YAF2: variants seen among roughly 807,000 people sequenced by gnomAD.
The protein encoded by YAF2 is YY1 associated factor 2.
Under a neutral mutation model 20.1 loss-of-function variants are expected in YAF2, and 7 were observed. The ratio of observed to expected loss-of-function variants is 0.35; its 90% CI spans 0.20 to 0.65. The LOEUF (loss-of-function observed/expected upper bound fraction) is 0.65, where lower values mean the gene tolerates loss of function less well. YAF2 is among the 30% of genes least tolerant of loss of function. The pLI, the probability that YAF2 is intolerant of heterozygous loss-of-function variation, is 0.69. For synonymous variants in YAF2, 74 were observed against 76.0 expected, an observed-to-expected ratio of 0.97 and a Z score of 0.14; for missense variants, 151 against 219.2, an observed-to-expected ratio of 0.69 and a Z score of 1.96.
intron 2 of YAF2, among the ~76,000 whole-genome samples, chr12:42,209,136 A>G (rs1027164398): frequency 1.4e-4 from 22 of 152,184 alleles, no homozygotes; most frequent in African/African-American, 4.1e-4. Context: ...AATTCACATC[A>G]AGTATTTTCA....
rs80245881 is a variant in YAF2 at position 42,176,548 on chromosome 12, G to A, written c.153-14783C>T. On this transcript the variant is annotated intron_variant, in intron 2 of 3. Transcript: ENST00000534854. ...AACACTTAGAAGCAGTATTTATTCC[G>A]TTTTTCCTCTCATACTCACATCTAA... Among the ~76,000 whole-genome samples the A allele has an allele frequency of 9.5e-3, 1,447 of 152,168 alleles. 32 individuals are homozygous for A. The highest frequency in any genetic ancestry group is 0.033 in the African/African-American group (1,351 of 41,498).
chr12:42,219,640 A>G (rs2067456679), intron 2 of YAF2, among the ~76,000 whole-genome samples: 2 of 152,218 alleles, frequency 1.3e-5, no homozygotes, highest in Admixed American at 1.3e-4. Context: ...ACATGCACAC[A>G]CAAAAATGTG....
intron 2 of YAF2, among the ~76,000 whole-genome samples, chr12:42,192,876 T>C (rs2066650804): frequency 1.3e-5 from 2 of 152,220 alleles, no homozygotes; most frequent in Non-Finnish European, 2.9e-5. Context: ...ACAAACCACA[T>C]ATGTGACACT....
intron 2 of YAF2, among the ~76,000 whole-genome samples, chr12:42,217,363 C>T (rs890810089): frequency 3.9e-5 from 6 of 152,044 alleles, no homozygotes; most frequent in Non-Finnish European, 7.4e-5. Flanking sequence ...AAAGCAGTTG[C>T]GCTAACACCC....
chr12:42,174,629 A>C (rs2066134258), intron 2 of YAF2, among the ~76,000 whole-genome samples: 2 of 152,318 alleles, frequency 1.3e-5, no homozygotes, highest in South Asian at 2.1e-4. Flanking sequence ...GCAAATTCTC[A>C]GGCCTTGCCC....
At chr12:42,205,808 C>A in intron 2 of YAF2, 1 of 291,582 alleles carries the variant, frequency 3.4e-6, no homozygotes, top group Non-Finnish European at 7.0e-6. Context: ...CAATCTAATA[C>A]ATTCATTAAA....
intron 2 of YAF2, chr12:42,232,978 C>T (rs1356187034): frequency 1.0e-5 from 10 of 985,338 alleles, no homozygotes; most frequent in African/African-American, 3.5e-5. Flanking sequence ...ACAGTTAAAG[C>T]GGTTCTAATT....
intron 2 of YAF2, among the ~76,000 whole-genome samples, chr12:42,165,884 A>ATATCTATCTATCTATCTATCTATCTATC (rs548540208): frequency 2.6e-4 from 38 of 146,922 alleles, no homozygotes; most frequent in African/African-American, 8.6e-4. Flanking sequence ...AATTCTATCT[A>ATATCTATCTATCTATCTATCTATCTATC]TATCTATCTA....
Position 42,157,781 on chromosome 12 carries a change from T to A in YAF2, c.*2808A>T. The stretch of plus-strand genomic sequence containing the variant: ...ATTATATTCACTTTTTAAATATACA[T>A]ATATATATATATGTATATTCAAATT... On this transcript the variant is annotated 3_prime_UTR_variant, in exon 4 of 4. Coordinates refer to ENST00000534854, the MANE Select transcript of YAF2 (RefSeq NM_005748.6). 6.6e-6 allele frequency: 1 copy of A among 150,858 alleles called. No individual in the cohort carries two copies. The highest frequency in any genetic ancestry group is 1.5e-5 in the Non-Finnish European group (1 of 67,684). 9.3% of individuals were successfully genotyped at this position (150,858 alleles called of 1,614,324 possible). A position where few individuals can be genotyped will look rare whatever the true frequency, so the allele number is the denominator to read the frequency against.
At chr12:42,200,224 A>G (rs964233203) in intron 2 of YAF2, among the ~76,000 whole-genome samples, 8 of 152,226 alleles carry the variant, frequency 5.3e-5, no homozygotes, top group Non-Finnish European at 1.0e-4. Context: ...CCCGTGCTCC[A>G]AATCAAGACA....
At position 42,158,096 on chromosome 12, in the gene YAF2, C is replaced by T. The variant is rs537794521; in HGVS notation, c.*2493G>A. ...CTGAATCTTTCGCATATTTTAACGT[C>T]AGTTCTGTTTATGGAATTTGGGTCT... On this transcript the variant is annotated 3_prime_UTR_variant, in exon 4 of 4. Coordinates refer to ENST00000534854, the MANE Select transcript of YAF2 (RefSeq NM_005748.6). 1 of 152,178 alleles carries T rather than the reference C, an allele frequency of 6.6e-6. No homozygotes were observed. The highest frequency in any genetic ancestry group is 2.4e-5 in the African/African-American group (1 of 41,434). 9.4% of individuals were successfully genotyped at this position (152,178 alleles called of 1,614,324 possible).
intron 2 of YAF2, among the ~76,000 whole-genome samples, chr12:42,174,572 T>C (rs527782632): frequency 2.6e-5 from 4 of 152,198 alleles, no homozygotes; most frequent in South Asian, 2.1e-4. Flanking sequence ...ACTCAAAAAG[T>C]GTAGTCAACG....
chr12:42,233,010 AG>A (rs2068028821), intron 2 of YAF2: 3 of 985,456 alleles, frequency 3.0e-6, no homozygotes, highest in Non-Finnish European at 3.6e-6. Context: ...AAAATTTTAA[AG>A]AAACAAAAAA....
At chr12:42,238,129 G>T in intron 1 of YAF2, 26 bp downstream of exon 1, 2 of 1,529,522 alleles carry the variant, frequency 1.3e-6, no homozygotes, top group Non-Finnish European at 1.8e-6. Flanking sequence ...CGCACAGTCC[G>T]GGCCCCGGGG....
In YAF2 at chr12:42,200,787, C is replaced by T. The variant is rs553735486; in HGVS notation, c.152+36812G>A. Among the ~76,000 whole-genome samples the T allele has an allele frequency of 2.0e-5, 3 of 152,294 alleles. No individual in the cohort carries two copies. The East Asian group carries it at 5.8e-4, about 29-fold the overall frequency. On this transcript the variant is annotated intron_variant, in intron 2 of 3. Transcript: ENST00000534854. ...TATGAGGTATCTCAATATTCATACA[C>T]ATCAAAAGGTAGCATGGTATAGTGG...
intron 2 of YAF2, chr12:42,233,918 C>T: frequency 1.0e-6 from 1 of 985,294 alleles, no homozygotes; most frequent in Non-Finnish European, 1.2e-6. Flanking sequence ...CTCCTGTAAT[C>T]CCAGCACTTT....
intron 2 of YAF2, among the ~76,000 whole-genome samples, chr12:42,207,658 C>T (rs1023510714): frequency 3.5e-4 from 53 of 152,132 alleles, no homozygotes; most frequent in Admixed American, 1.6e-3. Context: ...TTTGGGAGGC[C>T]GAGGCGGGCA....
At chr12:42,180,884 G>A in intron 2 of YAF2, among the ~76,000 whole-genome samples, 1 of 152,140 alleles carries the variant, frequency 6.6e-6, no homozygotes, top group Admixed American at 6.5e-5. Flanking sequence ...AGAGACGGAG[G>A]TTGCAGTAAG....
chr12:42,164,996 A>T (rs1215530371), intron 2 of YAF2, among the ~76,000 whole-genome samples: 1 of 150,940 alleles, frequency 6.6e-6, no homozygotes, highest in Non-Finnish European at 1.5e-5. Context: ...TGGAGGTTGC[A>T]GTGAGCCACG....
Sources: allele counts gnomAD v4.1 joint callset (sites outside exome capture counted in the v4.1 genomes callset), GRCh38; gene constraint gnomAD v4.1.1; transcripts MANE v1.5; gene names NCBI Gene and HGNC (gene_info 2026-07-23, HGNC 2026-07-21).